POLK: variants seen among roughly 807,000 people sequenced by gnomAD.
The protein encoded by POLK is DNA polymerase kappa, also known as polymerase (DNA directed) kappa.
Under a neutral mutation model 94.0 loss-of-function variants are expected in POLK, and 76 were observed. The observed-to-expected ratio is 0.81, with a 90% CI of 0.67 to 0.98. The LOEUF (loss-of-function observed/expected upper bound fraction) is 0.98. POLK is among the 50% of genes least tolerant of loss of function. The pLI is 0.00. For synonymous variants in POLK, 349 were observed against 325.4 expected (o/e 1.07, Z -0.78); for missense variants, 954 against 1,010.1 (o/e 0.94, Z 0.75).
Position 75,517,149 on chromosome 5 carries a change from C to T in POLK, c.-14+5235C>T, listed in dbSNP as rs141359984. On this transcript the variant is annotated intron_variant, in intron 1 of 14. Transcript: ENST00000241436. ...CAGAGTCTTTTTGTGGTTCTATATA[C>T]GTTTTAGGATTCTTTTTCTATTTCT... 1.3e-3 allele frequency among the ~76,000 whole-genome samples: 197 copies of T among 152,048 alleles called. 1 individual carries two copies. In the East Asian group the frequency reaches 0.027, roughly 21 times the overall value.
Position 75,569,588 on chromosome 5 carries a change from G to C in POLK, c.408+96G>C, listed in dbSNP as rs1771478812. ...GGGAATTCTTTATTGAGGTCTACCA[G>C]TTTGCTGAGTATTTTTCTGGGTGCC... is the stretch of plus-strand genomic sequence containing the variant. On this transcript the variant is annotated intron_variant, in intron 4 of 14. Transcript: ENST00000241436. The C allele has an allele frequency of 2.7e-5, 28 of 1,049,688 alleles. No homozygotes were observed. The South Asian group carries it at 4.3e-4, about 16-fold the overall frequency. 65.0% of individuals were successfully genotyped at this position (1,049,688 alleles called of 1,614,324 possible). A position where few individuals can be genotyped will look rare whatever the true frequency, so the allele number is the denominator to read the frequency against.
chr5:75,598,418 CTT>C, exon 15 of POLK: 1 of 153,302 alleles, frequency 6.5e-6, no homozygotes, highest in South Asian at 2.1e-4. Flanking sequence ...ATCCTAGTGT[CTT>C]TAAATACTTC....
chr5:75,595,266 A>AG (rs1443715863), intron 12 of POLK, among the ~76,000 whole-genome samples: 7 of 150,464 alleles, frequency 4.7e-5, no homozygotes, highest in Admixed American at 3.3e-4. Flanking sequence ...AAAAAAAAAA[A>AG]AAAAAAAGCC....
chr5:75,585,027 C>A (rs1469798830), intron 9 of POLK, 101 bp downstream of exon 9: 4 of 754,650 alleles, frequency 5.3e-6, no homozygotes, highest in Non-Finnish European at 9.0e-6. Context: ...TTTTAAAATT[C>A]TTTCAGGCTA....
intron 1 of POLK, among the ~76,000 whole-genome samples, chr5:75,540,553 C>T (rs1769683958): frequency 6.6e-6 from 1 of 152,078 alleles, no homozygotes; most frequent in African/African-American, 2.4e-5. Context: ...TCCATCTTGG[C>T]CTCCCAAAGT....
intron 1 of POLK, among the ~76,000 whole-genome samples, chr5:75,530,868 C>T (rs1401266373): frequency 1.4e-5 from 2 of 147,346 alleles, no homozygotes; most frequent in Admixed American, 6.9e-5. Context: ...AGTGCCGTGG[C>T]GCGATGTCCG....
intron 1 of POLK, among the ~76,000 whole-genome samples, chr5:75,524,232 C>T (rs1417442596): frequency 3.3e-5 from 5 of 152,054 alleles, no homozygotes; most frequent in African/African-American, 4.8e-5. Context: ...GAACCTGTTT[C>T]ATCTCTGTAC....
At chr5:75,528,621 G>T (rs1001888958) in intron 1 of POLK, among the ~76,000 whole-genome samples, 11 of 151,766 alleles carry the variant, frequency 7.2e-5, no homozygotes, top group African/African-American at 2.7e-4. Context: ...AGACCAGTTT[G>T]GGCAACATAG....
At chr5:75,575,089 T>C (rs1236757593) in intron 5 of POLK, among the ~76,000 whole-genome samples, 1 of 152,236 alleles carries the variant, frequency 6.6e-6, no homozygotes. Flanking sequence ...AGATAACAAA[T>C]GAGTTCTTCT....
chr5:75,579,363 T>A (rs375870193), intron 6 of POLK, among the ~76,000 whole-genome samples: 12 of 151,768 alleles, frequency 7.9e-5, no homozygotes, highest in East Asian at 5.8e-4. Flanking sequence ...GTCTTTATTT[T>A]TTTTTTATTT....
intron 5 of POLK, 71 bp downstream of exon 5, chr5:75,573,940 G>A (rs921712994): frequency 1.3e-6 from 2 of 1,500,314 alleles, no homozygotes; most frequent in African/African-American, 2.8e-5. Flanking sequence ...TCAAGTCCAA[G>A]TGCCTTAGCA....
chr5:75,561,012 C>A (rs535391216), intron 3 of POLK, among the ~76,000 whole-genome samples: 4 of 152,054 alleles, frequency 2.6e-5, no homozygotes, highest in Admixed American at 1.3e-4. Context: ...GATTTATAAT[C>A]TTTTGGGTAT....
chr5:75,528,221 A>G (rs746540666), intron 1 of POLK, among the ~76,000 whole-genome samples: 1 of 152,224 alleles, frequency 6.6e-6, no homozygotes, highest in Non-Finnish European at 1.5e-5. Context: ...TACGGAAGAA[A>G]AAATGATTAT....
chr5:75,527,553 G>A (rs1258225690), intron 1 of POLK, among the ~76,000 whole-genome samples: 1 of 149,558 alleles, frequency 6.7e-6, no homozygotes, highest in Non-Finnish European at 1.5e-5. Context: ...GTACGTGTGT[G>A]TATATATGTA....
chr5:75,546,176 C>T (rs369564403), intron 1 of POLK, among the ~76,000 whole-genome samples: 3 of 152,138 alleles, frequency 2.0e-5, no homozygotes, highest in Non-Finnish European at 4.4e-5. Context: ...ATAAGGTATA[C>T]AGTTGATTAA....
In POLK at chr5:75,587,009, T is replaced by G. The variant is rs1415097118; in HGVS notation, c.1227-17T>G. On this transcript the variant is annotated splice_polypyrimidine_tract_variant and intron_variant, in intron 9 of 14. Transcript: ENST00000241436. ...CTCAGTCTTTGAAAAATAAAGACCT[T>G]TTTTTTTCATTTCAAGGGATGGAGA... 1.3e-6 allele frequency: 2 copies of G among 1,535,272 alleles called. No homozygotes were observed. Among genetic ancestry groups the G allele is most frequent in the Non-Finnish European group, 1.8e-6 (2 of 1,132,076 alleles).
At chr5:75,554,876 G>T (rs1290170876) in intron 3 of POLK, among the ~76,000 whole-genome samples, 2 of 152,212 alleles carry the variant, frequency 1.3e-5, no homozygotes, top group Non-Finnish European at 2.9e-5. Flanking sequence ...TGGTGTATAT[G>T]TACACAATTT....
At chr5:75,550,429 A>G (rs1770278143) in intron 2 of POLK, among the ~76,000 whole-genome samples, 2 of 152,182 alleles carry the variant, frequency 1.3e-5, no homozygotes, top group East Asian at 3.9e-4. Context: ...AAATACAAAA[A>G]TAAGCCAGGC....
chr5:75,566,290 A>G (rs1771264759), intron 3 of POLK, among the ~76,000 whole-genome samples: 1 of 152,176 alleles, frequency 6.6e-6, no homozygotes, highest in Non-Finnish European at 1.5e-5. Context: ...AGTGGATCTT[A>G]GCTTGCTGGG....
Sources: gnomAD v4.1 joint callset for allele counts (sites outside exome capture counted in the v4.1 genomes callset) on GRCh38, gnomAD v4.1.1 for gene constraint, MANE v1.5 for transcripts, NCBI Gene and HGNC (gene_info 2026-07-23, HGNC 2026-07-21) for gene names.